The following ZDHHC14 variants were observed in gnomAD, a reference collection of about 807,000 sequenced individuals.
ZDHHC14 encodes palmitoyltransferase ZDHHC14.
A neutral mutation model predicts 47.7 loss-of-function variants in ZDHHC14; 16 were observed. That is an observed-to-expected ratio of 0.34 (90% confidence interval 0.23 to 0.51). ZDHHC14 has a LOEUF of 0.51. ZDHHC14 is among the 20% of genes least tolerant of loss of function. ZDHHC14 has a pLI of 0.97. For synonymous variants in ZDHHC14, 293 were observed against 278.9 expected (o/e 1.05, Z -0.50); for missense variants, 515 against 662.5 (o/e 0.78, Z 2.44).
chr6:157,623,268 C>T (rs1232899837), intron 3 of ZDHHC14, among the ~76,000 whole-genome samples: 1 of 152,106 alleles, frequency 6.6e-6, no homozygotes, highest in Non-Finnish European at 1.5e-5. Flanking sequence ...ATCATGGGGG[C>T]AGTTTCCCCC....
rs144352071 is a variant in ZDHHC14, at chr6:157,484,954, C to T, written c.246-57631C>T. ...CTCTACTAAAAATACAAAAATTAGCCGGATGTGATGGCACGTGCCTATAGT... is the reference window on the plus strand; with the variant it reads ...CTCTACTAAAAATACAAAAATTAGCTGGATGTGATGGCACGTGCCTATAGT... On this transcript the variant is annotated intron_variant, in intron 1 of 8. Transcript: ENST00000359775. 3.1e-3 allele frequency among the ~76,000 whole-genome samples: 471 copies of T among 151,926 alleles called. 3 individuals are homozygous for T. Among genetic ancestry groups the T allele is most frequent in the African/African-American group, 1.0e-2 (413 of 41,394 alleles).
In ZDHHC14 at chr6:157,382,058, G is replaced by C; in HGVS notation, c.37G>C (p.Glu13Gln). 6.3e-7 allele frequency: 1 copy of C among 1,588,430 alleles called. No homozygotes were observed. The highest frequency in any genetic ancestry group is 8.6e-7 in the Non-Finnish European group (1 of 1,169,410). Residue 13 changes from glutamate to glutamine, a missense_variant, in exon 1 of 9, where the codon GAG becomes CAG. Glu to Gln is a conservative substitution (Grantham distance 29). This residue lies in a region of ZDHHC14 where 59 missense variants were observed against 57.7 expected (regional missense o/e 1.02). Coordinates refer to ENST00000359775, the MANE Select transcript of ZDHHC14 (RefSeq NM_024630.3). ...CGGCGGCGGGCCCATGAAAGACTGC[G>C]AGTACAGCCAGATCAGCACCCACAG... ...PGGGGPMKDC[E>Q]YSQISTHSSS... is the part of the protein sequence containing the mutation.
At chr6:157,428,839 C>A (rs1241448977) in intron 1 of ZDHHC14, among the ~76,000 whole-genome samples, 1 of 152,188 alleles carries the variant, frequency 6.6e-6, no homozygotes, top group African/African-American at 2.4e-5. Context: ...CAGCTCCCAG[C>A]CAGTGCTTGG....
chr6:157,495,695 A>ATTTTTTTTTTTTTTT lies in ZDHHC14; in HGVS notation c.246-46877_246-46863dup, dbSNP rs71027341. On this transcript the variant is annotated intron_variant, in intron 1 of 8. Coordinates refer to ENST00000359775, the MANE Select transcript of ZDHHC14 (RefSeq NM_024630.3). ...GGAAATGTTGAGAAGTTCGGGTTGAATTTTTTTTTTTTTTTTTTTTTTTTT... is the reference window on the plus strand; with the variant it reads ...GGAAATGTTGAGAAGTTCGGGTTGAATTTTTTTTTTTTTTTTTTTTTTTTTTTTTTTTTTTTTTTT... Among the ~76,000 whole-genome samples the ATTTTTTTTTTTTTTT allele has an allele frequency of 1.2e-4, 13 of 104,348 alleles. 1 individual carries two copies. The highest frequency in any genetic ancestry group is 2.5e-4 in the Admixed American group (2 of 7,934). The allele number at this position is 104,348 out of a possible 152,430, so 68.5% of individuals were successfully genotyped here.
chr6:157,449,833 A>T (rs1029761582), intron 1 of ZDHHC14, among the ~76,000 whole-genome samples: 1 of 151,948 alleles, frequency 6.6e-6, no homozygotes, highest in African/African-American at 2.4e-5. Flanking sequence ...GCTGCTTTGA[A>T]TTTTTTCCCC....
At chr6:157,428,787 A>G (rs1341912125) in intron 1 of ZDHHC14, among the ~76,000 whole-genome samples, 1 of 152,118 alleles carries the variant, frequency 6.6e-6, no homozygotes, top group African/African-American at 2.4e-5. Flanking sequence ...CTCCTTACAT[A>G]AAGTTTAATC....
intron 5 of ZDHHC14, among the ~76,000 whole-genome samples, chr6:157,641,411 T>C (rs1268954839): frequency 1.3e-5 from 2 of 152,190 alleles, no homozygotes; most frequent in Non-Finnish European, 2.9e-5. Flanking sequence ...GCCAATTCGA[T>C]GAAAAGAAAA....
chr6:157,650,824 C>T (rs1408762908), intron 7 of ZDHHC14, among the ~76,000 whole-genome samples: 2 of 152,166 alleles, frequency 1.3e-5, no homozygotes, highest in African/African-American at 4.8e-5. Flanking sequence ...CTGCCCCCAC[C>T]CATCAGCTAG....
intron 1 of ZDHHC14, among the ~76,000 whole-genome samples, chr6:157,423,825 A>C (rs1044957761): frequency 6.6e-6 from 1 of 152,198 alleles, no homozygotes; most frequent in Non-Finnish European, 1.5e-5. Context: ...GGCATCGTGT[A>C]GGAGCTCATT....
In ZDHHC14 at chr6:157,400,648, G is replaced by A. The variant is rs140241694; in HGVS notation, c.245+18382G>A. On this transcript the variant is annotated intron_variant, in intron 1 of 8. Transcript: ENST00000359775. The stretch of plus-strand genomic sequence containing the variant: ...CATACCCCAGTCCCCTGAGTCCCTC[G>A]CTGCTGCCCATGGATGTCAGGATGC... Among the ~76,000 whole-genome samples, 86 of 152,198 alleles carry A rather than the reference G, an allele frequency of 5.7e-4. 2 individuals are homozygous for A. In the South Asian group the frequency reaches 0.015, roughly 27 times the overall value.
intron 3 of ZDHHC14, among the ~76,000 whole-genome samples, chr6:157,621,583 C>T (rs1785188965): frequency 6.6e-6 from 1 of 152,194 alleles, no homozygotes; most frequent in Non-Finnish European, 1.5e-5. Context: ...ATGGAAAATG[C>T]AGAATCCTGG....
intron 1 of ZDHHC14, among the ~76,000 whole-genome samples, chr6:157,492,465 G>C (rs148017935): frequency 0.032 from 4,832 of 152,182 alleles, 125 homozygotes; most frequent in Non-Finnish European, 0.051. Context: ...GAAGGCGGAG[G>C]CTCCCTGATC....
intron 5 of ZDHHC14, among the ~76,000 whole-genome samples, chr6:157,634,838 C>T (rs1203585637): frequency 2.6e-5 from 4 of 152,214 alleles, no homozygotes; most frequent in Admixed American, 6.5e-5. Flanking sequence ...AGCACTTCCT[C>T]GCTGCTGAGA....
At chr6:157,514,530 G>T (rs1180148420) in intron 1 of ZDHHC14, among the ~76,000 whole-genome samples, 1 of 152,188 alleles carries the variant, frequency 6.6e-6, no homozygotes, top group Non-Finnish European at 1.5e-5. Flanking sequence ...CCAAGAAGTT[G>T]GATTGGAAGA....
At chr6:157,389,396 A>G (rs950557246) in intron 1 of ZDHHC14, among the ~76,000 whole-genome samples, 5 of 152,200 alleles carry the variant, frequency 3.3e-5, no homozygotes, top group Non-Finnish European at 5.9e-5. Context: ...TTTTTTAAGA[A>G]AAAGGATGTT....
At chr6:157,434,858 A>G (rs937746049) in intron 1 of ZDHHC14, among the ~76,000 whole-genome samples, 6 of 152,170 alleles carry the variant, frequency 3.9e-5, no homozygotes, top group Non-Finnish European at 5.9e-5. Context: ...CTGGCGTGAC[A>G]TGTTTTGTAA....
chr6:157,383,250 T>C (rs1213538317), intron 1 of ZDHHC14, among the ~76,000 whole-genome samples: 1 of 152,218 alleles, frequency 6.6e-6, no homozygotes, highest in Non-Finnish European at 1.5e-5. Flanking sequence ...ATTTCTGGTA[T>C]CCTATGTTCA....
At chr6:157,617,346 A>C (rs1785007226) in intron 3 of ZDHHC14, among the ~76,000 whole-genome samples, 1 of 152,206 alleles carries the variant, frequency 6.6e-6, no homozygotes, top group Non-Finnish European at 1.5e-5. Flanking sequence ...TCAACTCAGA[A>C]AAATGAAATG....
chr6:157,471,081 C>G (rs1352765246), intron 1 of ZDHHC14, among the ~76,000 whole-genome samples: 1 of 152,210 alleles, frequency 6.6e-6, no homozygotes, highest in African/African-American at 2.4e-5. Context: ...CTTTTCATTC[C>G]TGGCATTTTC....
Sources: gnomAD v4.1 joint callset for allele counts (sites outside exome capture counted in the v4.1 genomes callset) on GRCh38, gnomAD v4.1.1 for gene constraint, gnomAD v4.1.1 regional missense constraint, MANE v1.5 for transcripts, NCBI Gene and HGNC (gene_info 2026-07-23, HGNC 2026-07-21) for gene names.